SNTG1: variants seen among roughly 807,000 people sequenced by gnomAD.
The protein encoded by SNTG1 is gamma-1-syntrophin.
SNTG1 carries 39 observed loss-of-function variants against 74.7 expected under a neutral mutation model. The ratio of observed to expected loss-of-function variants is 0.52; its 90% CI spans 0.40 to 0.68. SNTG1 has a LOEUF of 0.68. SNTG1 is among the 30% of genes least tolerant of loss of function. The probability of loss-of-function intolerance (pLI) is 0.00; values close to 1 mark genes in which losing one functional copy is unlikely to be tolerated. For synonymous variants in SNTG1, 254 were observed against 217.1 expected, an observed-to-expected ratio of 1.17 and a Z score of -1.49; for missense variants, 685 against 609.5, an observed-to-expected ratio of 1.12 and a Z score of -1.30.
chr8:49,938,602 C>CTTTTCT (rs1808346560), intron 1 of SNTG1, among the ~76,000 whole-genome samples: 12 of 8,106 alleles, frequency 1.5e-3, no homozygotes, highest in African/African-American at 3.0e-3. Context: ...CTTTTCTTTT[C>CTTTTCT]TTTTCTTTCT....
At chr8:50,789,589 G>T (rs1160055242) in intron 18 of SNTG1, among the ~76,000 whole-genome samples, 1 of 151,894 alleles carries the variant, frequency 6.6e-6, no homozygotes, top group Non-Finnish European at 1.5e-5. Flanking sequence ...CCAAAATCTT[G>T]ATCTTTACTT....
rs1474837881 is a variant in SNTG1, at chr8:50,242,521, C to A, written c.-28+69886C>A. Reference sequence around the variant, plus strand: ...CCAGCCTGGGTGAAAGAGTGAGAATCCATCTCAAAAAAAAAAAAAAAAAAC... The same window carrying A: ...CCAGCCTGGGTGAAAGAGTGAGAATACATCTCAAAAAAAAAAAAAAAAAAC... On this transcript the variant is annotated intron_variant, in intron 2 of 18. Coordinates refer to ENST00000642720, the MANE Select transcript of SNTG1 (RefSeq NM_018967.5). Among the ~76,000 whole-genome samples, 3 of 88,610 alleles carry A rather than the reference C, an allele frequency of 3.4e-5. No individual in the cohort carries two copies. The East Asian group carries it at 1.0e-3, about 30-fold the overall frequency. The allele number at this position is 88,610 out of a possible 152,430, so 58.1% of individuals were successfully genotyped here.
intron 2 of SNTG1, among the ~76,000 whole-genome samples, chr8:50,289,582 CA>C (rs1421361177): frequency 1.3e-5 from 2 of 152,170 alleles, no homozygotes; most frequent in Non-Finnish European, 2.9e-5. Flanking sequence ...AGAAATATTA[CA>C]GAATCCTGAG....
At chr8:49,963,235 A>G (rs1218259947) in intron 1 of SNTG1, among the ~76,000 whole-genome samples, 1 of 152,236 alleles carries the variant, frequency 6.6e-6, no homozygotes, top group Non-Finnish European at 1.5e-5. Flanking sequence ...CAAAGCGCCA[A>G]GACATCTACC....
rs369077280 is a variant in SNTG1 at position 50,347,473 on chromosome 8, G to C, written c.-27-46739G>C. Among the ~76,000 whole-genome samples the C allele has an allele frequency of 7.2e-5, 11 of 152,288 alleles. No individual in the cohort carries two copies. The East Asian group carries it at 1.3e-3, about 19-fold the overall frequency. ...AAAGCTCTGATGGAAACCTGCAACA[G>C]GATTAGCATTGTTTTCATGCCTGCT... On this transcript the variant is annotated intron_variant, in intron 2 of 18. Transcript: ENST00000642720.
intron 13 of SNTG1, among the ~76,000 whole-genome samples, chr8:50,631,499 C>G (rs1457730049): frequency 6.6e-6 from 1 of 152,018 alleles, no homozygotes; most frequent in Admixed American, 6.6e-5. Context: ...CTTGATTGAC[C>G]TCATCAAATT....
intron 2 of SNTG1, among the ~76,000 whole-genome samples, chr8:50,185,212 T>C (rs545188763): frequency 9.9e-5 from 15 of 152,134 alleles, no homozygotes; most frequent in Non-Finnish European, 2.1e-4. Context: ...TCTGCTCTCA[T>C]GATAATGACT....
At chr8:49,995,877 T>C (rs575888940) in intron 1 of SNTG1, among the ~76,000 whole-genome samples, 1 of 152,328 alleles carries the variant, frequency 6.6e-6, no homozygotes, top group South Asian at 2.1e-4. Flanking sequence ...GATACTCTTA[T>C]GCCCTAAAGT....
intron 18 of SNTG1, among the ~76,000 whole-genome samples, chr8:50,757,848 T>C (rs896656441): frequency 6.6e-5 from 10 of 151,954 alleles, no homozygotes; most frequent in Non-Finnish European, 1.5e-4. Context: ...TATATTGTTT[T>C]ACTTTTATTA....
intron 1 of SNTG1, among the ~76,000 whole-genome samples, chr8:50,167,484 T>C (rs2082661885): frequency 6.6e-6 from 1 of 151,762 alleles, no homozygotes; most frequent in African/African-American, 2.4e-5. Flanking sequence ...ACCGTGATTA[T>C]ATGTAATGGT....
chr8:50,648,909 T>G (rs1055017868), intron 13 of SNTG1, among the ~76,000 whole-genome samples: 3 of 152,162 alleles, frequency 2.0e-5, no homozygotes, highest in African/African-American at 7.2e-5. Context: ...ATACTACTTT[T>G]TTCTTTCCAA....
chr8:49,913,346 G>T (rs1805739898), intron 1 of SNTG1, among the ~76,000 whole-genome samples: 1 of 152,228 alleles, frequency 6.6e-6, no homozygotes. Flanking sequence ...CTGGTTGTGT[G>T]TAACGATAGT....
intron 2 of SNTG1, among the ~76,000 whole-genome samples, chr8:50,269,002 G>A (rs2087631611): frequency 6.6e-6 from 1 of 152,162 alleles, no homozygotes; most frequent in African/African-American, 2.4e-5. Flanking sequence ...ATGGAAGGTA[G>A]GGTGGCCTTT....
At chr8:50,161,910 T>C (rs1415231729) in intron 1 of SNTG1, among the ~76,000 whole-genome samples, 1 of 152,126 alleles carries the variant, frequency 6.6e-6, no homozygotes, top group Non-Finnish European at 1.5e-5. Flanking sequence ...TAATAAAGCA[T>C]ATAATCTTAG....
At chr8:50,412,687 A>C (rs2092964711) in intron 4 of SNTG1, among the ~76,000 whole-genome samples, 1 of 152,200 alleles carries the variant, frequency 6.6e-6, no homozygotes, top group African/African-American at 2.4e-5. Flanking sequence ...CTTAAATAGC[A>C]GGTAGAATTT....
intron 8 of SNTG1, among the ~76,000 whole-genome samples, chr8:50,451,512 G>T (rs2093457609): frequency 6.6e-6 from 1 of 152,008 alleles, no homozygotes; most frequent in African/African-American, 2.4e-5. Context: ...GAGAGAGACA[G>T]AGAGAGAGAA....
intron 2 of SNTG1, among the ~76,000 whole-genome samples, chr8:50,315,288 C>T (rs926496200): frequency 6.7e-6 from 1 of 149,586 alleles, no homozygotes; most frequent in Non-Finnish European, 1.5e-5. Flanking sequence ...GGAACAATAT[C>T]ATTGCTTTAC....
At chr8:50,340,585 C>T (rs2091288480) in intron 2 of SNTG1, among the ~76,000 whole-genome samples, 1 of 151,894 alleles carries the variant, frequency 6.6e-6, no homozygotes, top group Admixed American at 6.6e-5. Flanking sequence ...AATCACAGAA[C>T]TAAAAGCAAA....
At chr8:49,944,785 C>T (rs1031711395) in intron 1 of SNTG1, among the ~76,000 whole-genome samples, 4 of 147,716 alleles carry the variant, frequency 2.7e-5, no homozygotes, top group African/African-American at 1.1e-4. Context: ...AATTCATCAC[C>T]TGCAAGAAAA....
Sources: allele counts gnomAD v4.1 joint callset (sites outside exome capture counted in the v4.1 genomes callset), GRCh38; gene constraint gnomAD v4.1.1; transcripts MANE v1.5; gene names NCBI Gene and HGNC (gene_info 2026-07-23, HGNC 2026-07-21).